Variants in APEH observed in about 807,000 individuals in gnomAD.
APEH encodes the protein acylaminoacyl-peptide hydrolase.
In APEH, 75 loss-of-function variants were observed where a neutral mutation model predicts 102.7. The ratio of observed to expected loss-of-function variants is 0.73; its 90% CI spans 0.61 to 0.89. APEH has a LOEUF of 0.89. Ranked by LOEUF, APEH falls within the 40% of genes least tolerant of loss-of-function variation. The probability of loss-of-function intolerance (pLI) is 0.00; values close to 1 mark genes in which losing one functional copy is unlikely to be tolerated. For missense variants in APEH, 863 were observed against 941.2 expected (o/e 0.92, Z 1.09); for synonymous variants, 344 against 362.7 (o/e 0.95, Z 0.59).
At chr3:49,678,431 T>G (rs1327059071) in intron 11 of APEH, among the ~76,000 whole-genome samples, 1 of 151,868 alleles carries the variant, frequency 6.6e-6, no homozygotes, top group Non-Finnish European at 1.5e-5. Flanking sequence ...GTTAAGTGAG[T>G]GATGATATTA....
intron 15 of APEH, 144 bp from the exon 16 acceptor site, chr3:49,681,578 C>A: frequency 1.3e-6 from 1 of 745,250 alleles, no homozygotes; most frequent in Non-Finnish European, 2.1e-6. Flanking sequence ...AAGTATGAGC[C>A]TTCTGGGGTC....
Position 49,683,873 on chromosome 3 carries a change from TG to T in APEH, c.*534del. 1.7e-6 allele frequency: 2 copies of T among 1,171,928 alleles called. No individual in the cohort carries two copies. The highest frequency in any genetic ancestry group is 1.2e-6 in the Non-Finnish European group (1 of 840,326). 72.6% of individuals were successfully genotyped at this position (1,171,928 alleles called of 1,614,324 possible). On this transcript the variant is annotated 3_prime_UTR_variant, in exon 22 of 22. Coordinates refer to ENST00000296456, the MANE Select transcript of APEH (RefSeq NM_001640.4). ...ACAGATCACCTAGCCCAGGGTGTGC[TG>T]GGCTCAAGCCACCCGAGCCCTAGCA...
rs1226827827 is a variant in APEH at position 49,681,259 on chromosome 3, G to A, written c.1438+20G>A. On this transcript the variant is annotated intron_variant, in intron 15 of 21. Coordinates refer to ENST00000296456, the MANE Select transcript of APEH (RefSeq NM_001640.4). The stretch of plus-strand genomic sequence containing the variant: ...AGTATGGTGAGCTGGGCCAGGGGCA[G>A]AGGGATGCCTTCTCCAGGTTCCCCA... The A allele has an allele frequency of 1.3e-6, 2 of 1,530,952 alleles. No individual in the cohort carries two copies. The highest frequency in any genetic ancestry group is 1.8e-6 in the Non-Finnish European group (2 of 1,136,748). 94.8% of individuals were successfully genotyped at this position (1,530,952 alleles called of 1,614,324 possible). A position where few individuals can be genotyped will look rare whatever the true frequency, so the allele number is the denominator to read the frequency against.
Position 49,677,609 on chromosome 3 carries a change from G to C in APEH, c.1036G>C (p.Asp346His), listed in dbSNP as rs912168992. ...TACCAAGGTTACCTCAGTGGTGGTA[G>C]ATGTTGTGCCTCGGCAGCTGGGAGG... is the stretch of plus-strand genomic sequence containing the variant. ...WYTKVTSVVV[D>H]VVPRQLGENF... Residue 346 changes from aspartate to histidine, a missense_variant, in exon 11 of 22, where the codon GAT (aspartate) becomes CAT (histidine). Asp to His is a moderately conservative substitution (Grantham distance 81). Coordinates refer to ENST00000296456, the MANE Select transcript of APEH (RefSeq NM_001640.4). 1.2e-6 allele frequency: 2 copies of C among 1,614,024 alleles called. No homozygotes were observed. Among genetic ancestry groups the C allele is most frequent in the East Asian group, 4.5e-5 (2 of 44,880 alleles).
Position 49,677,645 on chromosome 3 carries a change from C to G in APEH, c.1060+12C>G, listed in dbSNP as rs749421675. The stretch of plus-strand genomic sequence containing the variant: ...TCGGCAGCTGGGAGGTAAGGCATAC[C>G]TGGCTGGGTGGGTGCAGTGGGGCCT... On this transcript the variant is annotated intron_variant, in intron 11 of 21. Coordinates refer to ENST00000296456, the MANE Select transcript of APEH (RefSeq NM_001640.4). 1 of 1,611,734 alleles carries G rather than the reference C, an allele frequency of 6.2e-7. No individual in the cohort carries two copies. Among genetic ancestry groups the G allele is most frequent in the Non-Finnish European group, 8.5e-7 (1 of 1,178,034 alleles).
At position 49,683,149 on chromosome 3, in the gene APEH, G is replaced by A. The variant is rs1346164649; in HGVS notation, c.2093+3G>A. 4 of 1,613,818 alleles carry A rather than the reference G, an allele frequency of 2.5e-6. No homozygotes were observed. The highest frequency in any genetic ancestry group is 4.5e-5 in the East Asian group (2 of 44,898). Reference sequence around the variant, plus strand: ...AAGACCCGGAATGTGCCTGTTCGGTGAGTGCAGCATGAAGGCCCTGGCAGC... The same window carrying A: ...AAGACCCGGAATGTGCCTGTTCGGTAAGTGCAGCATGAAGGCCCTGGCAGC... On this transcript the variant is annotated splice_donor_region_variant and intron_variant, in intron 21 of 21. Transcript: ENST00000296456.
chr3:49,674,600 C>G lies in APEH; in HGVS notation c.124C>G (p.Gln42Glu). The change falls in exon 2 of 22, where the codon CAA becomes GAA. Residue 42 changes from glutamine to glutamate, a missense_variant. Gln to Glu is a conservative substitution (Grantham distance 29). Coordinates refer to ENST00000296456, the MANE Select transcript of APEH (RefSeq NM_001640.4). Reference sequence around the variant, plus strand: ...GGAGGTCACCACGCAGTACGGCGGCCAATACCGGACGGTGCACACTGGTGT... The same window carrying G: ...GGAGGTCACCACGCAGTACGGCGGCGAATACCGGACGGTGCACACTGGTGT... ...GPEVTTQYGG[Q>E]YRTVHTEWTQ... is the part of the protein sequence containing the mutation. 6.3e-7 allele frequency: 1 copy of G among 1,583,640 alleles called. No individual in the cohort carries two copies. The highest frequency in any genetic ancestry group is 8.5e-7 in the Non-Finnish European group (1 of 1,174,392).
rs754002653 is a variant in APEH, at chr3:49,674,370, C to G, written c.-32C>G. ...AGCCTCACTTCCGGGCGCGAGCACG[C>G]CCCGCCTCGCCCCGGCGGCAGAGAG... is the stretch of plus-strand genomic sequence containing the variant. On this transcript the variant is annotated 5_prime_UTR_variant, in exon 1 of 22. Coordinates refer to ENST00000296456, the MANE Select transcript of APEH (RefSeq NM_001640.4). 1 of 1,555,502 alleles carries G rather than the reference C, an allele frequency of 6.4e-7. No homozygotes were observed. Among genetic ancestry groups the G allele is most frequent in the East Asian group, 2.4e-5 (1 of 42,208 alleles).
At chr3:49,674,296 C>A (rs1171551707), upstream of APEH, 6 of 1,395,452 alleles carry the variant, frequency 4.3e-6, no homozygotes, top group Non-Finnish European at 5.7e-6. Context: ...CAGATTGCCG[C>A]AGGGCAGGGG....
chr3:49,673,128 A>C (rs1230331206), upstream of APEH, among the ~76,000 whole-genome samples: 1 of 60,060 alleles, frequency 1.7e-5, no homozygotes, highest in African/African-American at 5.9e-5. Flanking sequence ...TTAACTAGTT[A>C]TCTTGAGTAA....
At position 49,679,762 on chromosome 3, in the gene APEH, CACT is replaced by C. The variant is rs2108124534; in HGVS notation, c.1210+119_1210+121del. On this transcript the variant is annotated intron_variant, in intron 13 of 21. Coordinates refer to ENST00000296456, the MANE Select transcript of APEH (RefSeq NM_001640.4). The surrounding 1 kb of genome is among the most constrained non-coding windows in gnomAD (Gnocchi z 4.3). ...GATGGCATTCTCAGCCACTCAGCAC[CACT>C]GACTGTTCCACAGCCTTTACTAACA... 1.8e-5 allele frequency: 19 copies of C among 1,063,122 alleles called. No homozygotes were observed. The South Asian group carries it at 2.6e-4, about 14-fold the overall frequency. The allele number at this position is 1,063,122 out of a possible 1,614,324, so 65.9% of individuals were successfully genotyped here. A position where few individuals can be genotyped will look rare whatever the true frequency, so the allele number is the denominator to read the frequency against.
At chr3:49,683,193 A>G in intron 21 of APEH, 44 bp from the exon 22 acceptor site, 3 of 1,610,318 alleles carry the variant, frequency 1.9e-6, no homozygotes, top group Non-Finnish European at 2.5e-6. Flanking sequence ...AGGTGAGCAC[A>G]GGAGGACCCT....
rs2053004814 is a variant in APEH at position 49,675,690 on chromosome 3, A to G, written c.273-4A>G. On this transcript the variant is annotated splice_region_variant and splice_polypyrimidine_tract_variant and intron_variant, in intron 3 of 21. Transcript: ENST00000296456. ...TCCTGACCTGTGCTACCCCATGTCCACAGACTGCTGAGCAGAGAGTCTCCT... is the reference window on the plus strand; with the variant it reads ...TCCTGACCTGTGCTACCCCATGTCCGCAGACTGCTGAGCAGAGAGTCTCCT... The G allele has an allele frequency of 6.2e-7, 1 of 1,613,300 alleles. No homozygotes were observed. The highest frequency in any genetic ancestry group is 8.5e-7 in the Non-Finnish European group (1 of 1,179,440).
chr3:49,682,302 TGG>T, intron 17 of APEH, 44 bp from the exon 18 acceptor site: 1 of 1,538,566 alleles, frequency 6.5e-7, no homozygotes. Flanking sequence ...TCGAGGGGGC[TGG>T]GAATGTTGCC....
At position 49,682,346 on chromosome 3, in the gene APEH, A is replaced by G; in HGVS notation, c.1604-2A>G. The G allele has an allele frequency of 6.2e-7, 1 of 1,612,152 alleles. No homozygotes were observed. Among genetic ancestry groups the G allele is most frequent in the Non-Finnish European group, 8.5e-7 (1 of 1,178,728 alleles). On this transcript the variant is annotated splice_acceptor_variant, in intron 17 of 21. Transcript: ENST00000296456. LOFTEE classifies it high-confidence loss of function. The stretch of plus-strand genomic sequence containing the variant: ...CACTGTCTGGTCCCTCCCTGCCCTC[A>G]GTGAACTATCGTGGCTCCACGGGCT...
At position 49,675,962 on chromosome 3, in the gene APEH, G is replaced by A. The variant is rs745828437; in HGVS notation, c.438G>A (p.Glu146=). The A allele has an allele frequency of 6.2e-7, 1 of 1,614,234 alleles. No individual in the cohort carries two copies. The highest frequency in any genetic ancestry group is 8.5e-7 in the Non-Finnish European group (1 of 1,180,040). Residue 146 remains glutamate, a synonymous_variant, in exon 5 of 22, where the codon GAG becomes GAA. Transcript: ENST00000296456. ...TGGAGAAACATGGGCCTGTTTATGA[G>A]GATGGTGAGGCATCTGGCTGGTGAG... is the stretch of plus-strand genomic sequence containing the variant. The part of the protein sequence containing the change: ...SALEKHGPVY[E]DDCFGCLSWS...
At position 49,679,308 on chromosome 3, in the gene APEH, C is replaced by G. The variant is rs2053214445; in HGVS notation, c.1159-285C>G. Among the ~76,000 whole-genome samples, 1 of 152,180 alleles carries G rather than the reference C, an allele frequency of 6.6e-6. No homozygotes were observed. Among genetic ancestry groups the G allele is most frequent in the Non-Finnish European group, 1.5e-5 (1 of 68,024 alleles). On this transcript the variant is annotated intron_variant, in intron 12 of 21. Transcript: ENST00000296456. This position sits in a 1 kb window ranked among gnomAD's most constrained non-coding sequence, Gnocchi z 4.3. ...TGGAGTAAAGCCACTCACAGTGTGC[C>G]AGGCTCCTTTTGGGTGTGATATTTG... is the stretch of plus-strand genomic sequence containing the variant.
rs1197295972 is a variant in APEH, at chr3:49,676,177, T to C, written c.564T>C (p.Asp188=). The C allele has an allele frequency of 6.2e-7, 1 of 1,614,176 alleles. No individual in the cohort carries two copies. Among genetic ancestry groups the C allele is most frequent in the African/African-American group, 1.3e-5 (1 of 75,076 alleles). ...QTKALDVSAS[D]DEIARLKKPD... ...AAGCCTTGGACGTCAGTGCCAGCGATGATGAGATAGCCAGGCTGAAGAAGC... is the reference window on the plus strand; with the variant it reads ...AAGCCTTGGACGTCAGTGCCAGCGACGATGAGATAGCCAGGCTGAAGAAGC... Residue 188 remains aspartate, a synonymous_variant, in exon 6 of 22, where the codon GAT becomes GAC. Coordinates refer to ENST00000296456, the MANE Select transcript of APEH (RefSeq NM_001640.4).
rs373273386 is a variant in APEH, at chr3:49,679,666, G to A, written c.1210+22G>A. 8 of 1,612,466 alleles carry A rather than the reference G, an allele frequency of 5.0e-6. No homozygotes were observed. Among genetic ancestry groups the A allele is most frequent in the African/African-American group, 1.3e-5 (1 of 74,898 alleles). On this transcript the variant is annotated intron_variant, in intron 13 of 21. Coordinates refer to ENST00000296456, the MANE Select transcript of APEH (RefSeq NM_001640.4). The surrounding 1 kb of genome is among the most constrained non-coding windows in gnomAD (Gnocchi z 4.3). ...GCTGGTGAGCAAGGCTTTGGGGATG[G>A]GGGTAAGGGCAGGGCTGGTGAGCAA...
Sources: gnomAD v4.1 joint callset for allele counts (sites outside exome capture counted in the v4.1 genomes callset) on GRCh38, gnomAD v4.1.1 for gene constraint, Gnocchi (gnomAD v3.1) non-coding constraint, MANE v1.5 for transcripts, NCBI Gene and HGNC (gene_info 2026-07-23, HGNC 2026-07-21) for gene names.